Variants in RARB observed in about 807,000 individuals in gnomAD.
The protein encoded by RARB is retinoic acid receptor beta, also known as HBV-activated protein.
In RARB, 17 loss-of-function variants were observed where a neutral mutation model predicts 51.9. That is an observed-to-expected ratio of 0.33 (90% CI 0.22 to 0.49). The LOEUF is 0.49. RARB is among the 20% of genes least tolerant of loss of function. The pLI, the probability that RARB is intolerant of heterozygous loss-of-function variation, is 0.99. For synonymous variants in RARB, 215 were observed against 195.4 expected (o/e 1.10, Z -0.84); for missense variants, 369 against 550.8 (o/e 0.67, Z 3.30).
chr3:25,521,504 G>A (rs535297078), intron 3 of RARB, among the ~76,000 whole-genome samples: 2 of 152,280 alleles, frequency 1.3e-5, no homozygotes, highest in African/African-American at 2.4e-5. Flanking sequence ...GAAAAAATAA[G>A]ATATGAGAAT....
At chr3:25,563,321 CG>C (rs1209896321) in intron 3 of RARB, among the ~76,000 whole-genome samples, 1 of 152,188 alleles carries the variant, frequency 6.6e-6, no homozygotes, top group African/African-American at 2.4e-5. Flanking sequence ...ACATACTCTT[CG>C]GCACCCTACC....
At chr3:25,330,652 C>G (rs576126042) in intron 5 of RARB, among the ~76,000 whole-genome samples, 1 of 152,258 alleles carries the variant, frequency 6.6e-6, no homozygotes, top group South Asian at 2.1e-4. Flanking sequence ...GGATCAGATT[C>G]ACACATAACA....
chr3:25,380,541 C>T (rs60838657), intron 5 of RARB, among the ~76,000 whole-genome samples: 6,147 of 152,154 alleles, frequency 0.04, 138 homozygotes, highest in Middle Eastern at 0.065. Flanking sequence ...CTCTTTCCTC[C>T]AAAAGATTTA....
At chr3:24,862,453 G>C (rs753716723) in intron 2 of RARB, among the ~76,000 whole-genome samples, 1 of 152,128 alleles carries the variant, frequency 6.6e-6, no homozygotes, top group Non-Finnish European at 1.5e-5. Flanking sequence ...ATAGTTAACA[G>C]GTCTGAAAAT....
intron 3 of RARB, among the ~76,000 whole-genome samples, chr3:25,546,834 A>G (rs1256126579): frequency 6.6e-6 from 1 of 152,186 alleles, no homozygotes; most frequent in African/African-American, 2.4e-5. Flanking sequence ...ATACACACAC[A>G]TATTTAAATT....
chr3:25,512,991 T>C (rs1448887744), intron 3 of RARB, among the ~76,000 whole-genome samples: 3 of 151,964 alleles, frequency 2.0e-5, no homozygotes, highest in South Asian at 4.2e-4. Flanking sequence ...CTGGAATGAA[T>C]TGAAAGCAAA....
At chr3:24,911,946 T>C (rs184688811) in intron 2 of RARB, among the ~76,000 whole-genome samples, 1 of 152,224 alleles carries the variant, frequency 6.6e-6, no homozygotes, top group Admixed American at 6.5e-5. Context: ...AATCTTAATG[T>C]TGGTGACAAC....
intron 2 of RARB, among the ~76,000 whole-genome samples, chr3:25,471,259 G>C (rs1695675051): frequency 6.6e-6 from 1 of 152,090 alleles, no homozygotes; most frequent in Non-Finnish European, 1.5e-5. Context: ...TGTCCTCTCT[G>C]ATACTATCTT....
intron 5 of RARB, among the ~76,000 whole-genome samples, chr3:25,591,553 G>A (rs564795392): frequency 5.9e-5 from 9 of 152,330 alleles, no homozygotes; most frequent in African/African-American, 2.2e-4. Flanking sequence ...CATTCTACTA[G>A]CTTATGTGAC....
At chr3:24,871,375 A>G (rs1388823424) in intron 2 of RARB, among the ~76,000 whole-genome samples, 5 of 152,056 alleles carry the variant, frequency 3.3e-5, no homozygotes, top group Non-Finnish European at 5.9e-5. Flanking sequence ...TTAGCTATCA[A>G]CCTCTGACAA....
intron 3 of RARB, among the ~76,000 whole-genome samples, chr3:25,128,471 C>A (rs1310870181): frequency 6.8e-6 from 1 of 147,070 alleles, no homozygotes; most frequent in Non-Finnish European, 1.5e-5. Context: ...ATACTATATA[C>A]TAGAAATATA....
intron 4 of RARB, among the ~76,000 whole-genome samples, chr3:25,578,881 G>C (rs76462239): frequency 6.6e-6 from 1 of 152,348 alleles, no homozygotes; most frequent in African/African-American, 2.4e-5. Flanking sequence ...ATATCAGTTT[G>C]AGAAACACAG....
chr3:25,517,533 C>T (rs1457411955), intron 3 of RARB, among the ~76,000 whole-genome samples: 1 of 152,138 alleles, frequency 6.6e-6, no homozygotes, highest in Non-Finnish European at 1.5e-5. Flanking sequence ...GACACTCGCA[C>T]ACTGCTAGTG....
At chr3:25,399,178 A>G (rs763281570) in intron 5 of RARB, among the ~76,000 whole-genome samples, 26 of 152,146 alleles carry the variant, frequency 1.7e-4, no homozygotes, top group Non-Finnish European at 1.0e-4. Flanking sequence ...TGCTTTACTG[A>G]GAAATAAACC....
intron 2 of RARB, among the ~76,000 whole-genome samples, chr3:24,890,665 A>G (rs1203626221): frequency 1.3e-5 from 2 of 152,238 alleles, no homozygotes; most frequent in Non-Finnish European, 2.9e-5. Flanking sequence ...GGGTCACCAT[A>G]GGATGTGAAG....
At chr3:25,365,260 C>T (rs745884210) in intron 5 of RARB, among the ~76,000 whole-genome samples, 3 of 112,200 alleles carry the variant, frequency 2.7e-5, no homozygotes, top group Non-Finnish European at 5.0e-5. Flanking sequence ...GCCAGGAATA[C>T]AGGTGCATGT....
chr3:25,076,652 T>C (rs900363696), intron 3 of RARB, among the ~76,000 whole-genome samples: 3 of 152,342 alleles, frequency 2.0e-5, no homozygotes, highest in African/African-American at 4.8e-5. Context: ...GTAAGTCTTA[T>C]GATTAAGCTT....
intron 3 of RARB, among the ~76,000 whole-genome samples, chr3:25,544,645 G>C (rs1346173418): frequency 6.6e-6 from 1 of 152,168 alleles, no homozygotes; most frequent in Non-Finnish European, 1.5e-5. Flanking sequence ...AGGCAGACTT[G>C]TCTGGCTCAT....
chr3:25,207,994 T>C (rs1019493896), intron 5 of RARB, among the ~76,000 whole-genome samples: 1 of 149,780 alleles, frequency 6.7e-6, no homozygotes, highest in African/African-American at 2.5e-5. Flanking sequence ...GCATGTCACA[T>C]GGCAAAAGTG....
Sources: allele counts gnomAD v4.1 joint callset (sites outside exome capture counted in the v4.1 genomes callset), GRCh38; gene constraint gnomAD v4.1.1; transcripts MANE v1.5; gene names NCBI Gene and HGNC (gene_info 2026-07-23, HGNC 2026-07-21).